The following EXOC4 variants were observed in gnomAD, a reference collection of about 807,000 sequenced individuals.
EXOC4 encodes the protein exocyst complex component 4.
A neutral mutation model predicts 107.2 loss-of-function variants in EXOC4; 71 were observed. The ratio of observed to expected loss-of-function variants is 0.66; its 90% CI spans 0.55 to 0.81. The LOEUF (loss-of-function observed/expected upper bound fraction) is 0.81. EXOC4 is among the 30% of genes least tolerant of loss of function. The pLI is 0.00. For missense variants in EXOC4, 1,108 were observed against 1,189.6 expected, an observed-to-expected ratio of 0.93 and a Z score of 1.01; for synonymous variants, 456 against 441.2, an observed-to-expected ratio of 1.03 and a Z score of -0.42.
chr7:133,787,147 TTTTTC>T (rs1312302093), intron 10 of EXOC4, among the ~76,000 whole-genome samples: 2 of 146,324 alleles, frequency 1.4e-5, no homozygotes, highest in African/African-American at 2.5e-5. Flanking sequence ...TTTTTCTTGT[TTTTTC>T]TTTTCTTTTT....
At chr7:133,871,636 C>A (rs1379372275) in intron 11 of EXOC4, among the ~76,000 whole-genome samples, 1 of 152,092 alleles carries the variant, frequency 6.6e-6, no homozygotes, top group African/African-American at 2.4e-5. Flanking sequence ...TCTCTTTCTC[C>A]CTCTGTTTCC....
intron 9 of EXOC4, among the ~76,000 whole-genome samples, chr7:133,553,394 T>G (rs1239559733): frequency 6.6e-6 from 1 of 152,164 alleles, no homozygotes. Context: ...AATATGTTAC[T>G]TTCCTTTTCA....
At chr7:133,322,085 A>G (rs977609765) in intron 5 of EXOC4, among the ~76,000 whole-genome samples, 7 of 151,896 alleles carry the variant, frequency 4.6e-5, no homozygotes, top group Admixed American at 2.6e-4. Flanking sequence ...TTTCTTGTAC[A>G]TTTGTTTAAG....
At chr7:133,320,782 C>T (rs149296020) in intron 5 of EXOC4, among the ~76,000 whole-genome samples, 57 of 152,266 alleles carry the variant, frequency 3.7e-4, no homozygotes, top group African/African-American at 1.1e-3. Flanking sequence ...CTCTATTAAT[C>T]TGGATCACAT....
At chr7:133,286,473 A>T (rs1794279313) in intron 2 of EXOC4, among the ~76,000 whole-genome samples, 1 of 152,110 alleles carries the variant, frequency 6.6e-6, no homozygotes. Flanking sequence ...CTGCCATTCC[A>T]TTCTGCAGGC....
chr7:133,704,521 A>G (rs1794727822), intron 10 of EXOC4, among the ~76,000 whole-genome samples: 1 of 152,206 alleles, frequency 6.6e-6, no homozygotes, highest in South Asian at 2.1e-4. Context: ...TTTCAACAAT[A>G]TCTTTCACCA....
At chr7:133,674,697 T>G (rs758424155) in intron 10 of EXOC4, among the ~76,000 whole-genome samples, 2 of 152,196 alleles carry the variant, frequency 1.3e-5, no homozygotes, top group African/African-American at 2.4e-5. Context: ...ATGAATACAG[T>G]TCATCTCTTG....
rs543728862 is a variant in EXOC4, at chr7:133,862,448, A to C, written c.1735-33151A>C. On this transcript the variant is annotated intron_variant, in intron 11 of 17. Transcript: ENST00000253861. Reference sequence around the variant, plus strand: ...CAGTGAGCTGAGATCACACCGTTGCACTCCAGCCTCAGCTACAGAGCAAGA... The same window carrying C: ...CAGTGAGCTGAGATCACACCGTTGCCCTCCAGCCTCAGCTACAGAGCAAGA... 3.9e-5 allele frequency among the ~76,000 whole-genome samples: 6 copies of C among 151,980 alleles called. No individual in the cohort carries two copies. In the South Asian group the frequency reaches 1.0e-3, roughly 26 times the overall value.
chr7:133,586,866 C>G (rs189536054), intron 9 of EXOC4, among the ~76,000 whole-genome samples: 1 of 152,012 alleles, frequency 6.6e-6, no homozygotes, highest in African/African-American at 2.4e-5. Context: ...AGTCTCACTC[C>G]GTCACCCAGG....
intron 2 of EXOC4, among the ~76,000 whole-genome samples, chr7:133,284,175 T>G (rs1289360972): frequency 6.6e-6 from 1 of 152,208 alleles, no homozygotes; most frequent in Admixed American, 6.5e-5. Context: ...GTGAGCTGAT[T>G]ACATTGCACA....
At chr7:133,846,035 C>T (rs1225597683) in intron 11 of EXOC4, among the ~76,000 whole-genome samples, 1 of 151,898 alleles carries the variant, frequency 6.6e-6, no homozygotes, top group Non-Finnish European at 1.5e-5. Context: ...CACACACACA[C>T]GAGAACTTTA....
intron 6 of EXOC4, among the ~76,000 whole-genome samples, chr7:133,367,490 G>A (rs1399870791): frequency 6.6e-6 from 1 of 152,178 alleles, no homozygotes; most frequent in Non-Finnish European, 1.5e-5. Context: ...AGCTGTTTTA[G>A]TAGGGTCCCA....
rs1554477961 is a variant in EXOC4, at chr7:133,604,706, C to CTTTTT, written c.1418-25336_1418-25335insTTTTT. On this transcript the variant is annotated intron_variant, in intron 9 of 17. Coordinates refer to ENST00000253861, the MANE Select transcript of EXOC4 (RefSeq NM_021807.4). Reference sequence around the variant, plus strand: ...TTTTTCTTTCCTTCCTTCCTTCCTTCTTTCTTTTTTTTTTTTTTTTTTTTT... The same window carrying CTTTTT: ...TTTTTCTTTCCTTCCTTCCTTCCTTCTTTTTTTTCTTTTTTTTTTTTTTTTTTTTT... Among the ~76,000 whole-genome samples the CTTTTT allele has an allele frequency of 7.1e-3, 625 of 87,444 alleles. 73 individuals are homozygous for CTTTTT. Among genetic ancestry groups the CTTTTT allele is most frequent in the Non-Finnish European group, 8.0e-3 (354 of 43,984 alleles). The allele number at this position is 87,444 out of a possible 152,430, so 57.4% of individuals were successfully genotyped here.
At chr7:134,024,365 G>A (rs1241761653) in intron 17 of EXOC4, among the ~76,000 whole-genome samples, 1 of 151,938 alleles carries the variant, frequency 6.6e-6, no homozygotes, top group Non-Finnish European at 1.5e-5. Context: ...GCAGGAGAAT[G>A]GTGTGAACCC....
chr7:133,294,230 A>G (rs980762925), intron 3 of EXOC4, among the ~76,000 whole-genome samples: 35 of 152,328 alleles, frequency 2.3e-4, no homozygotes, highest in African/African-American at 8.2e-4. Flanking sequence ...GCATGAGCCA[A>G]CCAGGAAGGT....
chr7:133,757,136 C>A (rs776691149), intron 10 of EXOC4, among the ~76,000 whole-genome samples: 5 of 152,142 alleles, frequency 3.3e-5, no homozygotes, highest in African/African-American at 1.2e-4. Flanking sequence ...GTCTTAATAC[C>A]GAAGATGCCA....
chr7:133,402,995 C>T (rs1176590682), intron 7 of EXOC4, among the ~76,000 whole-genome samples: 4 of 151,522 alleles, frequency 2.6e-5, no homozygotes. Flanking sequence ...AGCGATTATC[C>T]TGCCTCAGCC....
chr7:133,669,787 G>C (rs1257860982), intron 10 of EXOC4, among the ~76,000 whole-genome samples: 1 of 152,176 alleles, frequency 6.6e-6, no homozygotes, highest in African/African-American at 2.4e-5. Flanking sequence ...CTCATGTAAA[G>C]CTCCTTGAAG....
rs35258276 is a variant in EXOC4 at position 133,369,800 on chromosome 7, CTTTTTTTTTTTT to C, written c.1008-5016_1008-5005del. Among the ~76,000 whole-genome samples the C allele has an allele frequency of 4.6e-5, 4 of 86,640 alleles. 1 individual carries two copies. The South Asian group carries it at 1.4e-3, about 29-fold the overall frequency. The allele number at this position is 86,640 out of a possible 152,430, so 56.8% of individuals were successfully genotyped here. ...AGCATCTCTCCTTCTACTAGATTTC[CTTTTTTTTTTTT>C]TTTTTTTTTTTGAGACGGAGTTTCG... On this transcript the variant is annotated intron_variant, in intron 6 of 17. Transcript: ENST00000253861.
Sources: gnomAD v4.1 joint callset for allele counts (sites outside exome capture counted in the v4.1 genomes callset) on GRCh38, gnomAD v4.1.1 for gene constraint, MANE v1.5 for transcripts, NCBI Gene and HGNC (gene_info 2026-07-23, HGNC 2026-07-21) for gene names.